The following SYK variants were observed in gnomAD, a reference collection of about 807,000 sequenced individuals.
SYK encodes the protein tyrosine-protein kinase SYK.
In SYK, 16 loss-of-function variants were observed where a neutral mutation model predicts 77.8. The observed-to-expected ratio is 0.21, with a 90% CI of 0.14 to 0.31. The LOEUF (loss-of-function observed/expected upper bound fraction) is 0.31. SYK is among the 10% of genes least tolerant of loss of function. The pLI, the probability that SYK is intolerant of heterozygous loss-of-function variation, is 1.00. For missense variants in SYK, 529 were observed against 814.4 expected (o/e 0.65, Z 4.26); for synonymous variants, 312 against 308.7 (o/e 1.01, Z -0.11).
Position 90,898,360 on chromosome 9 carries a change from C to G in SYK, c.*2760C>G. ...ATGGTGATTGCACTTGGACATCAGT[C>G]CAATGACTGCAAGTCGGCCTGGATT... On this transcript the variant is annotated 3_prime_UTR_variant, in exon 14 of 14. Transcript: ENST00000375754. 1 of 228,426 alleles carries G rather than the reference C, an allele frequency of 4.4e-6. No individual in the cohort carries two copies. The highest frequency in any genetic ancestry group is 6.2e-5 in the East Asian group (1 of 16,014). 14.1% of individuals were successfully genotyped at this position (228,426 alleles called of 1,614,324 possible). A position where few individuals can be genotyped will look rare whatever the true frequency, so the allele number is the denominator to read the frequency against.
At chr9:90,867,674 C>T (rs988757113) in intron 7 of SYK, among the ~76,000 whole-genome samples, 1 of 152,096 alleles carries the variant, frequency 6.6e-6, no homozygotes, top group Non-Finnish European at 1.5e-5. Context: ...TTCATTATGG[C>T]TTAGACGTCT....
chr9:90,865,973 A>ACTG (rs1190140184), intron 6 of SYK, among the ~76,000 whole-genome samples: 1 of 126,312 alleles, frequency 7.9e-6, no homozygotes, highest in Non-Finnish European at 1.6e-5. Flanking sequence ...ATCTCAGCTC[A>ACTG]CTGCAAGCTC....
At chr9:90,827,147 A>G (rs146634268) in intron 1 of SYK, among the ~76,000 whole-genome samples, 190 of 148,526 alleles carry the variant, frequency 1.3e-3, no homozygotes, top group African/African-American at 4.4e-3. Context: ...GCAATTCAAG[A>G]CCAAGTTCAT....
At chr9:90,883,339 C>T (rs1180888730) in intron 11 of SYK, among the ~76,000 whole-genome samples, 1 of 152,114 alleles carries the variant, frequency 6.6e-6, no homozygotes, top group African/African-American at 2.4e-5. Flanking sequence ...AGCCAAGCCT[C>T]CAAAGGTCTG....
intron 9 of SYK, among the ~76,000 whole-genome samples, chr9:90,875,716 A>G (rs1235095082): frequency 6.6e-6 from 1 of 152,224 alleles, no homozygotes; most frequent in Non-Finnish European, 1.5e-5. Context: ...TACATATTAT[A>G]CAACAGTTAA....
At chr9:90,873,006 T>C (rs886615435) in intron 7 of SYK, among the ~76,000 whole-genome samples, 1 of 152,246 alleles carries the variant, frequency 6.6e-6, no homozygotes, top group African/African-American at 2.4e-5. Flanking sequence ...TCCTTTAGCC[T>C]TGTCAACAGG....
intron 1 of SYK, among the ~76,000 whole-genome samples, chr9:90,820,827 T>G (rs1290412006): frequency 6.6e-6 from 1 of 152,056 alleles, no homozygotes; most frequent in Non-Finnish European, 1.5e-5. Flanking sequence ...TTCTATTACA[T>G]AGTCAGGCTG....
chr9:90,838,913 G>T (rs1255779006), intron 1 of SYK, among the ~76,000 whole-genome samples: 7 of 152,236 alleles, frequency 4.6e-5, no homozygotes, highest in African/African-American at 1.7e-4. Flanking sequence ...GCCTGCAGGG[G>T]AAAGTCACGG....
chr9:90,809,343 T>C (rs964256664), intron 1 of SYK, among the ~76,000 whole-genome samples: 2 of 152,240 alleles, frequency 1.3e-5, no homozygotes, highest in African/African-American at 4.8e-5. Flanking sequence ...CACTGAGTGA[T>C]GCTGCTGGGA....
intron 3 of SYK, 135 bp downstream of exon 3, chr9:90,845,729 C>G (rs1482767195): frequency 1.0e-6 from 1 of 992,252 alleles, no homozygotes; most frequent in Non-Finnish European, 1.5e-6. Context: ...AACATGCATG[C>G]TGGCCTGTTC....
chr9:90,828,354 G>A (rs1049791665), intron 1 of SYK, among the ~76,000 whole-genome samples: 1 of 151,736 alleles, frequency 6.6e-6, no homozygotes, highest in Non-Finnish European at 1.5e-5. Flanking sequence ...ATCCATATGT[G>A]GTTTGCCCAG....
At chr9:90,880,107 A>G (rs1052045708) in intron 11 of SYK, among the ~76,000 whole-genome samples, 2 of 152,204 alleles carry the variant, frequency 1.3e-5, no homozygotes, top group African/African-American at 4.8e-5. Context: ...TTCAAAATCT[A>G]CCTAGTGGGT....
chr9:90,890,165 G>A (rs1828733279), intron 13 of SYK, among the ~76,000 whole-genome samples: 1 of 152,210 alleles, frequency 6.6e-6, no homozygotes, highest in South Asian at 2.1e-4. Context: ...TGAAAGGTGG[G>A]TGGGAAGAGA....
chr9:90,844,074 G>A lies in SYK; in HGVS notation c.176G>A (p.Arg59Lys), dbSNP rs2118633070. 1.2e-6 allele frequency: 2 copies of A among 1,612,474 alleles called. No individual in the cohort carries two copies. Among genetic ancestry groups the A allele is most frequent in the Non-Finnish European group, 8.5e-7 (1 of 1,179,156 alleles). ...GGFALSVAHGRKAHHYTIERE... is the reference protein window; with the variant it reads ...GGFALSVAHGKKAHHYTIERE... ...TTCGCCCTGTCCGTGGCCCACGGGA[G>A]GAAGGCACACCACTACACCATCGAG... Residue 59 changes from arginine to lysine, a missense_variant, in exon 2 of 14, where the codon AGG (arginine) becomes AAG (lysine). By Grantham distance (26) the Arg-to-Lys change is conservative. Around this residue, in one of 2 missense-constraint regions of SYK, gnomAD observed 321 missense variants for 433.1 expected, o/e 0.74. Transcript: ENST00000375754.
At chr9:90,837,763 G>T (rs998803867) in intron 1 of SYK, among the ~76,000 whole-genome samples, 6 of 152,198 alleles carry the variant, frequency 3.9e-5, no homozygotes, top group African/African-American at 1.4e-4. Context: ...GCTATGGGGA[G>T]ACATGATGGC....
At chr9:90,817,359 T>G (rs904468327) in intron 1 of SYK, among the ~76,000 whole-genome samples, 2 of 152,212 alleles carry the variant, frequency 1.3e-5, no homozygotes, top group Non-Finnish European at 2.9e-5. Flanking sequence ...ATCACCCCTG[T>G]CTTTCTCAAT....
In SYK at chr9:90,858,973, G is replaced by A. The variant is rs943670682; in HGVS notation, c.579-3233G>A. 1.1e-4 allele frequency among the ~76,000 whole-genome samples: 17 copies of A among 152,318 alleles called. 1 individual carries two copies. In the South Asian group the frequency reaches 2.9e-3, roughly 26 times the overall value. On this transcript the variant is annotated intron_variant, in intron 3 of 13. Coordinates refer to ENST00000375754, the MANE Select transcript of SYK (RefSeq NM_003177.7). ...TCTTGAAGAGCCTCAAGGAAGTGAG[G>A]CCTTTGCAGAAACTGCTTGTTCCAA...
chr9:90,814,866 A>AC lies in SYK; in HGVS notation c.-42+12973_-42+12974insC, dbSNP rs1491119336. Among the ~76,000 whole-genome samples the AC allele has an allele frequency of 2.1e-3, 21 of 10,004 alleles. No homozygotes were observed. The South Asian group carries it at 0.071, about 34-fold the overall frequency. 6.6% of individuals were successfully genotyped at this position (10,004 alleles called of 152,430 possible). A position where few individuals can be genotyped will look rare whatever the true frequency, so the allele number is the denominator to read the frequency against. ...CACACACACACACACACACACACAC[A>AC]AAATAATGTTACTTCTCAGTCACCC... On this transcript the variant is annotated intron_variant, in intron 1 of 13. Transcript: ENST00000375754.
intron 1 of SYK, among the ~76,000 whole-genome samples, chr9:90,804,890 T>A (rs1360514322): frequency 6.6e-6 from 1 of 152,230 alleles, no homozygotes. Context: ...GATATGATGT[T>A]ATCAGGGACA....
Sources: allele counts gnomAD v4.1 joint callset (sites outside exome capture counted in the v4.1 genomes callset), GRCh38; gene constraint gnomAD v4.1.1; regional missense constraint gnomAD v4.1.1; transcripts MANE v1.5; gene names NCBI Gene and HGNC (gene_info 2026-07-23, HGNC 2026-07-21).